The following PPP1R14C variants were observed in gnomAD, a reference collection of about 807,000 sequenced individuals.
The protein encoded by PPP1R14C is protein phosphatase 1 regulatory inhibitor subunit 14C, also known as protein phosphatase 1 regulatory subunit 14C.
A neutral mutation model predicts 20.4 loss-of-function variants in PPP1R14C; 16 were observed. The observed-to-expected ratio is 0.78, with a 90% CI of 0.53 to 1.19. The LOEUF (loss-of-function observed/expected upper bound fraction) is 1.19, where lower values mean the gene tolerates loss of function less well. PPP1R14C is among the 50% of genes most tolerant of loss of function. The pLI, the probability that PPP1R14C is intolerant of heterozygous loss-of-function variation, is 0.00. For synonymous variants in PPP1R14C, 91 were observed against 91.0 expected (o/e 1.00, Z 0.00); for missense variants, 211 against 220.1 (o/e 0.96, Z 0.26).
At chr6:150,157,197 A>G (rs1391809202) in intron 1 of PPP1R14C, among the ~76,000 whole-genome samples, 1 of 152,244 alleles carries the variant, frequency 6.6e-6, no homozygotes, top group African/African-American at 2.4e-5. Flanking sequence ...TAATGTATAA[A>G]ATATTTAGTA....
At chr6:150,236,539 C>T (rs745325584) in intron 3 of PPP1R14C, among the ~76,000 whole-genome samples, 17 of 150,250 alleles carry the variant, frequency 1.1e-4, no homozygotes, top group Admixed American at 3.3e-4. Flanking sequence ...AGTGTGACAG[C>T]GGCCACATCC....
intron 1 of PPP1R14C, among the ~76,000 whole-genome samples, chr6:150,196,936 A>G (rs1354957984): frequency 3.3e-5 from 5 of 152,224 alleles, no homozygotes; most frequent in African/African-American, 1.2e-4. Context: ...GTGAAAATCT[A>G]GCCTAATCAG....
chr6:150,212,121 C>T (rs1778030529), intron 1 of PPP1R14C, among the ~76,000 whole-genome samples: 2 of 152,194 alleles, frequency 1.3e-5, no homozygotes, highest in South Asian at 4.1e-4. Flanking sequence ...TTCCCAACTT[C>T]TGGGCCAGAG....
intron 3 of PPP1R14C, among the ~76,000 whole-genome samples, chr6:150,222,905 A>G (rs1172529327): frequency 1.3e-5 from 2 of 149,058 alleles, no homozygotes; most frequent in Admixed American, 1.4e-4. Context: ...AGTAGCTGGG[A>G]TTACAGGCGC....
chr6:150,170,109 G>A (rs2114868267), intron 1 of PPP1R14C, among the ~76,000 whole-genome samples: 1 of 152,270 alleles, frequency 6.6e-6, no homozygotes, highest in South Asian at 2.1e-4. Flanking sequence ...GTTCTAACAA[G>A]GCTTCAAGGA....
At chr6:150,240,651 A>G (rs1295929222) in intron 3 of PPP1R14C, among the ~76,000 whole-genome samples, 1 of 152,218 alleles carries the variant, frequency 6.6e-6, no homozygotes, top group Admixed American at 6.5e-5. Context: ...AGGACCTATC[A>G]GAAGTACTTT....
intron 3 of PPP1R14C, among the ~76,000 whole-genome samples, chr6:150,234,623 C>A (rs1348614665): frequency 6.6e-6 from 1 of 151,852 alleles, no homozygotes; most frequent in Non-Finnish European, 1.5e-5. Flanking sequence ...CCAAGGCAGG[C>A]AGATCACTTT....
At chr6:150,189,007 C>A (rs372107043) in intron 1 of PPP1R14C, among the ~76,000 whole-genome samples, 1 of 151,798 alleles carries the variant, frequency 6.6e-6, no homozygotes, top group Non-Finnish European at 1.5e-5. Flanking sequence ...CACAGGTGTG[C>A]GCCACCATGC....
chr6:150,202,284 C>T (rs977499251), intron 1 of PPP1R14C, among the ~76,000 whole-genome samples: 15 of 152,228 alleles, frequency 9.9e-5, no homozygotes, highest in Admixed American at 6.5e-4. Flanking sequence ...CTCCCCTGTA[C>T]CCCCACTCTG....
At chr6:150,207,453 G>A (rs1777967937) in intron 1 of PPP1R14C, among the ~76,000 whole-genome samples, 1 of 152,218 alleles carries the variant, frequency 6.6e-6, no homozygotes, top group South Asian at 2.1e-4. Flanking sequence ...TGCCTTGCGT[G>A]CTCCCCAGCT....
intron 1 of PPP1R14C, among the ~76,000 whole-genome samples, chr6:150,160,327 C>T (rs556970750): frequency 7.8e-5 from 11 of 140,432 alleles, no homozygotes; most frequent in South Asian, 2.3e-4. Flanking sequence ...TGCAGTGGCG[C>T]GATCTCGGCT....
chr6:150,200,160 G>A (rs1777858259), intron 1 of PPP1R14C, among the ~76,000 whole-genome samples: 1 of 145,062 alleles, frequency 6.9e-6, no homozygotes, highest in South Asian at 2.3e-4. Context: ...AATATTTGAG[G>A]GCTTTTATAG....
intron 3 of PPP1R14C, among the ~76,000 whole-genome samples, chr6:150,218,285 C>A (rs1295281821): frequency 6.6e-6 from 1 of 152,032 alleles, no homozygotes; most frequent in African/African-American, 2.4e-5. Context: ...TGCCTGTAGT[C>A]CTAGCTACTC....
rs114507335 is a variant in PPP1R14C at position 150,154,728 on chromosome 6, G to C, written c.306+11230G>C. On this transcript the variant is annotated intron_variant, in intron 1 of 3. Transcript: ENST00000361131. Reference sequence around the variant, plus strand: ...TGGGAGCGTATCCATCCTGCACTGGGCATGATGTCTTGTGTGAGTGGCTTG... The same window carrying C: ...TGGGAGCGTATCCATCCTGCACTGGCCATGATGTCTTGTGTGAGTGGCTTG... Among the ~76,000 whole-genome samples the C allele has an allele frequency of 6.9e-3, 1,054 of 152,314 alleles. 9 individuals carry two copies. The highest frequency in any genetic ancestry group is 0.022 in the African/African-American group (903 of 41,560).
At chr6:150,216,880 T>C in intron 3 of PPP1R14C, 24 bp downstream of exon 3, 1 of 1,588,198 alleles carries the variant, frequency 6.3e-7, no homozygotes, top group East Asian at 2.3e-5. Flanking sequence ...TTTTCCTAAA[T>C]GCCATGTTTG....
At chr6:150,208,184 C>T (rs941514837) in intron 1 of PPP1R14C, among the ~76,000 whole-genome samples, 19 of 152,128 alleles carry the variant, frequency 1.2e-4, no homozygotes, top group Admixed American at 1.1e-3. Flanking sequence ...CCCTGAGTTT[C>T]GGAGGGGTCA....
intron 3 of PPP1R14C, among the ~76,000 whole-genome samples, chr6:150,230,878 C>T (rs565138547): frequency 2.0e-5 from 3 of 152,216 alleles, no homozygotes; most frequent in African/African-American, 7.2e-5. Flanking sequence ...ACGGGCCCAT[C>T]TTTTTAAAGC....
At chr6:150,227,832 T>C (rs1379514780) in intron 3 of PPP1R14C, among the ~76,000 whole-genome samples, 3 of 152,240 alleles carry the variant, frequency 2.0e-5, no homozygotes, top group Non-Finnish European at 4.4e-5. Context: ...TTTAGTGTCA[T>C]TGGGCAGGCA....
chr6:150,215,706 G>T (rs117831466), intron 2 of PPP1R14C, among the ~76,000 whole-genome samples: 2,408 of 152,286 alleles, frequency 0.016, 24 homozygotes, highest in Middle Eastern at 0.048. Context: ...GATAACGCAG[G>T]TATCAGTTCT....
Sources: allele counts gnomAD v4.1 joint callset (sites outside exome capture counted in the v4.1 genomes callset), GRCh38; gene constraint gnomAD v4.1.1; transcripts MANE v1.5; gene names NCBI Gene and HGNC (gene_info 2026-07-23, HGNC 2026-07-21).